Variants in PPP4R2 observed in about 807,000 individuals in gnomAD.
The protein encoded by PPP4R2 is serine/threonine-protein phosphatase 4 regulatory subunit 2.
PPP4R2 carries 13 observed loss-of-function variants against 47.2 expected under a neutral mutation model. That is an observed-to-expected ratio of 0.28 (90% CI 0.18 to 0.44). PPP4R2 has a LOEUF of 0.44. PPP4R2 is among the 20% of genes least tolerant of loss of function. The pLI, the probability that PPP4R2 is intolerant of heterozygous loss-of-function variation, is 1.00. For missense variants in PPP4R2, 421 were observed against 491.2 expected (o/e 0.86, Z 1.35); for synonymous variants, 151 against 163.3 (o/e 0.92, Z 0.57).
intron 2 of PPP4R2, among the ~76,000 whole-genome samples, chr3:73,032,071 C>T (rs749162599): frequency 5.3e-5 from 8 of 152,230 alleles, no homozygotes; most frequent in Admixed American, 1.3e-4. Context: ...GACTCCAGAG[C>T]ACCACCTGAC....
intron 2 of PPP4R2, among the ~76,000 whole-genome samples, chr3:73,021,500 T>G (rs1701958783): frequency 6.6e-6 from 1 of 151,750 alleles, no homozygotes; most frequent in Non-Finnish European, 1.5e-5. Flanking sequence ...GACTCCAGAG[T>G]GTTAGGATTA....
At chr3:73,005,700 T>G (rs1037445864) in intron 2 of PPP4R2, among the ~76,000 whole-genome samples, 3 of 151,850 alleles carry the variant, frequency 2.0e-5, no homozygotes, top group African/African-American at 4.8e-5. Flanking sequence ...AATACAAAAT[T>G]TGCTGGGTGC....
At chr3:73,015,028 C>A in intron 2 of PPP4R2, 1 of 617,602 alleles carries the variant, frequency 1.6e-6, no homozygotes, top group Non-Finnish European at 2.9e-6. Context: ...TCGAAATATA[C>A]TCCTGGCCTG....
intron 3 of PPP4R2, among the ~76,000 whole-genome samples, chr3:73,051,612 C>T (rs1241385793): frequency 6.6e-6 from 1 of 151,978 alleles, no homozygotes; most frequent in Non-Finnish European, 1.5e-5. Context: ...AGTATATTAC[C>T]AAAGTACAAG....
chr3:73,012,073 T>G (rs574794592), intron 2 of PPP4R2, among the ~76,000 whole-genome samples: 1 of 152,328 alleles, frequency 6.6e-6, no homozygotes, highest in South Asian at 2.1e-4. Flanking sequence ...ATGTGGGTGA[T>G]TGGTTCCAGG....
intron 2 of PPP4R2, among the ~76,000 whole-genome samples, chr3:73,002,040 T>C (rs1300836879): frequency 6.6e-6 from 1 of 152,158 alleles, no homozygotes. Flanking sequence ...CATCAGTCTT[T>C]AGACTCTTAC....
At chr3:73,029,698 T>C (rs1024951937) in intron 2 of PPP4R2, among the ~76,000 whole-genome samples, 2 of 152,162 alleles carry the variant, frequency 1.3e-5, no homozygotes, top group African/African-American at 4.8e-5. Flanking sequence ...AAAATTGGCA[T>C]GCAGATAGTA....
intron 2 of PPP4R2, chr3:73,015,805 T>C: frequency 2.3e-6 from 1 of 444,032 alleles, no homozygotes; most frequent in Non-Finnish European, 4.5e-6. Context: ...GCCCGATTAA[T>C]TTTTTTGTGT....
intron 2 of PPP4R2, among the ~76,000 whole-genome samples, chr3:73,013,216 C>T (rs1432998996): frequency 6.6e-6 from 1 of 152,072 alleles, no homozygotes; most frequent in Non-Finnish European, 1.5e-5. Flanking sequence ...TTATTTCTGA[C>T]AAAATATTAG....
chr3:73,004,932 T>A (rs1701569328), intron 2 of PPP4R2, among the ~76,000 whole-genome samples: 1 of 141,224 alleles, frequency 7.1e-6, no homozygotes, highest in South Asian at 2.3e-4. Flanking sequence ...TTTGTGTGTT[T>A]TGAGTCGGAG....
At chr3:73,009,575 C>T (rs779043345) in intron 2 of PPP4R2, among the ~76,000 whole-genome samples, 2 of 152,128 alleles carry the variant, frequency 1.3e-5, no homozygotes, top group Non-Finnish European at 2.9e-5. Context: ...GGATACCTGT[C>T]AAAAACTTCA....
intron 2 of PPP4R2, among the ~76,000 whole-genome samples, chr3:73,010,463 C>T (rs920418242): frequency 6.6e-6 from 1 of 152,160 alleles, no homozygotes; most frequent in Non-Finnish European, 1.5e-5. Flanking sequence ...CATAGTATCT[C>T]TCTTGTCTCT....
chr3:73,048,904 G>A lies in PPP4R2; in HGVS notation c.287+1548G>A, dbSNP rs146142559. Among the ~76,000 whole-genome samples, 5 of 152,230 alleles carry A rather than the reference G, an allele frequency of 3.3e-5. No homozygotes were observed. The East Asian group carries it at 9.6e-4, about 29-fold the overall frequency. ...TCAAACCCTTAGGCCTTGACTTGGG[G>A]TCTGTTACAAAAATATTTTGTGGGG... On this transcript the variant is annotated intron_variant, in intron 3 of 8. Coordinates refer to ENST00000356692, the MANE Select transcript of PPP4R2 (RefSeq NM_174907.4).
chr3:73,048,454 C>T (rs1702535239), intron 3 of PPP4R2, among the ~76,000 whole-genome samples: 1 of 152,036 alleles, frequency 6.6e-6, no homozygotes, highest in Non-Finnish European at 1.5e-5. Flanking sequence ...TGGGGTTTCA[C>T]CATGCTGGCC....
intron 2 of PPP4R2, among the ~76,000 whole-genome samples, chr3:73,019,032 C>T (rs1701906321): frequency 6.6e-6 from 1 of 152,086 alleles, no homozygotes; most frequent in Non-Finnish European, 1.5e-5. Context: ...AGATATGTAC[C>T]ATATAATGAC....
intron 6 of PPP4R2, 46 bp downstream of exon 6, chr3:73,063,793 AT>A: frequency 7.5e-7 from 1 of 1,328,422 alleles, no homozygotes; most frequent in African/African-American, 1.5e-5. Flanking sequence ...CATTGTCCTG[AT>A]TTTGAGTAGC....
At chr3:73,059,587 T>G (rs765913722) in intron 4 of PPP4R2, among the ~76,000 whole-genome samples, 2 of 151,914 alleles carry the variant, frequency 1.3e-5, no homozygotes, top group Non-Finnish European at 2.9e-5. Flanking sequence ...AACATTAGTG[T>G]TTGTGTGTGG....
At chr3:73,036,951 T>A (rs1346641710) in intron 2 of PPP4R2, among the ~76,000 whole-genome samples, 1 of 152,244 alleles carries the variant, frequency 6.6e-6, no homozygotes, top group East Asian at 1.9e-4. Context: ...TACAGTAATC[T>A]CTCACCACTT....
intron 2 of PPP4R2, among the ~76,000 whole-genome samples, chr3:72,998,792 C>A (rs940441025): frequency 6.6e-6 from 1 of 152,120 alleles, no homozygotes; most frequent in East Asian, 1.9e-4. Flanking sequence ...TCAGAAGGAA[C>A]ATTCCAGGTC....
Sources: gnomAD v4.1 joint callset for allele counts (sites outside exome capture counted in the v4.1 genomes callset) on GRCh38, gnomAD v4.1.1 for gene constraint, MANE v1.5 for transcripts, NCBI Gene and HGNC (gene_info 2026-07-23, HGNC 2026-07-21) for gene names.